Variants in CHSY1 observed in about 807,000 individuals in gnomAD.
CHSY1 encodes chondroitin sulfate synthase 1.
In CHSY1, 13 loss-of-function variants were observed where a neutral mutation model predicts 59.8. The ratio of observed to expected loss-of-function variants is 0.22; its 90% confidence interval spans 0.14 to 0.35. The LOEUF (loss-of-function observed/expected upper bound fraction) is 0.35. Among genes scored for constraint, CHSY1 ranks in the 10% least tolerant of loss-of-function variants. CHSY1 has a pLI of 1.00. For synonymous variants in CHSY1, 459 were observed against 401.2 expected, an observed-to-expected ratio of 1.14 and a Z score of -1.72; for missense variants, 947 against 1,030.6, an observed-to-expected ratio of 0.92 and a Z score of 1.11.
At chr15:101,250,987 G>C (rs1437150543) in intron 1 of CHSY1, 150 bp downstream of exon 1, 1 of 700,840 alleles carries the variant, frequency 1.4e-6, no homozygotes, top group Non-Finnish European at 2.4e-6. Flanking sequence ...TTCTCCCTCG[G>C]CCCGGCGTCT....
intron 2 of CHSY1, among the ~76,000 whole-genome samples, chr15:101,195,730 C>T (rs570120650): frequency 1.3e-5 from 2 of 149,578 alleles, no homozygotes; most frequent in Non-Finnish European, 3.0e-5. Context: ...GAGGCTGAGG[C>T]GAGAGAATGG....
At chr15:101,213,468 C>T (rs754063848) in intron 2 of CHSY1, among the ~76,000 whole-genome samples, 8 of 152,042 alleles carry the variant, frequency 5.3e-5, no homozygotes, top group South Asian at 2.1e-4. Flanking sequence ...ATAATAAGTA[C>T]GGTACAATTA....
At chr15:101,212,601 T>C (rs184980067) in intron 2 of CHSY1, among the ~76,000 whole-genome samples, 2 of 152,224 alleles carry the variant, frequency 1.3e-5, no homozygotes, top group South Asian at 4.1e-4. Context: ...AGTGGTTGCC[T>C]TGAGCTGGGA....
chr15:101,233,655 T>C (rs139479396), intron 2 of CHSY1, among the ~76,000 whole-genome samples: 1 of 152,278 alleles, frequency 6.6e-6, no homozygotes, highest in Admixed American at 6.5e-5. Flanking sequence ...GGGGATAGTA[T>C]AAGGCACACA....
chr15:101,245,117 C>G (rs2039037932), intron 1 of CHSY1, among the ~76,000 whole-genome samples: 1 of 152,216 alleles, frequency 6.6e-6, no homozygotes, highest in South Asian at 2.1e-4. Context: ...CCAAAACACA[C>G]ATCCCATCAG....
chr15:101,179,021 ATGAT>A, intron 2 of CHSY1, 41 bp from the exon 3 acceptor site: 10 of 1,587,618 alleles, frequency 6.3e-6, no homozygotes, highest in Non-Finnish European at 8.6e-6. Context: ...TTAGTATTGT[ATGAT>A]TGAGTGCCAG....
At chr15:101,231,766 ATTTTCTTT>A (rs2038895226) in intron 2 of CHSY1, among the ~76,000 whole-genome samples, 2 of 152,140 alleles carry the variant, frequency 1.3e-5, no homozygotes, top group East Asian at 3.8e-4. Flanking sequence ...ACTTAAGTCA[ATTTTCTTT>A]TTGTTCCCTC....
chr15:101,202,159 A>AG (rs1246804477), intron 2 of CHSY1, among the ~76,000 whole-genome samples: 2 of 143,310 alleles, frequency 1.4e-5, no homozygotes, highest in Admixed American at 6.9e-5. Context: ...GCATTTCTGC[A>AG]GGGGGGGCAG....
intron 2 of CHSY1, among the ~76,000 whole-genome samples, chr15:101,217,022 C>G (rs956099223): frequency 1.3e-5 from 2 of 152,168 alleles, no homozygotes; most frequent in Non-Finnish European, 2.9e-5. Flanking sequence ...ACCTAAGTAA[C>G]TGTGAGAATG....
rs1255763211 is a variant in CHSY1 at position 101,178,543 on chromosome 15, G to A, written c.1254C>T (p.Ala418=). 6.2e-7 allele frequency: 1 copy of A among 1,614,216 alleles called. No homozygotes were observed. The highest frequency in any genetic ancestry group is 1.1e-5 in the South Asian group (1 of 91,084). The stretch of plus-strand genomic sequence containing the variant: ...TGATGCGCCCTCTGGTCTTGGCGTT[G>A]GCATTGATCATCTCCATGACCTGCA... ...IVMQVMEMIN[A]NAKTRGRIID... The change falls in exon 3 of 3, where the codon GCC becomes GCT. Residue 418 remains alanine (A), a synonymous_variant. Coordinates refer to ENST00000254190, the MANE Select transcript of CHSY1 (RefSeq NM_014918.5).
intron 2 of CHSY1, among the ~76,000 whole-genome samples, chr15:101,185,732 A>C (rs1415232709): frequency 7.2e-6 from 1 of 138,422 alleles, no homozygotes; most frequent in Non-Finnish European, 1.5e-5. Flanking sequence ...AACCTCACCA[A>C]GTTTCCAGTT....
At chr15:101,227,531 A>C (rs1345507441) in intron 2 of CHSY1, among the ~76,000 whole-genome samples, 1 of 152,246 alleles carries the variant, frequency 6.6e-6, no homozygotes, top group Non-Finnish European at 1.5e-5. Flanking sequence ...AGCAGGGAAT[A>C]AGATGCAATA....
chr15:101,251,988 G>A lies in CHSY1; in HGVS notation c.-532C>T, dbSNP rs1478148272. 1 of 151,128 alleles carries A rather than the reference G, an allele frequency of 6.6e-6. No individual in the cohort carries two copies. The highest frequency in any genetic ancestry group is 1.5e-5 in the Non-Finnish European group (1 of 67,754). 9.4% of individuals were successfully genotyped at this position (151,128 alleles called of 1,614,324 possible). On this transcript the variant is annotated 5_prime_UTR_variant, in exon 1 of 3. Transcript: ENST00000254190. ...GGCGCGTTATGAAGTGGCCCCGCCG[G>A]CGGCGAGCCGTGGCCCCTCTCGGGA...
rs62621399 is a variant in CHSY1 at position 101,177,683 on chromosome 15, C to G, written c.2114G>C (p.Arg705Pro). The G allele has an allele frequency of 1.9e-6, 3 of 1,614,002 alleles. No individual in the cohort carries two copies. The highest frequency in any genetic ancestry group is 2.5e-6 in the Non-Finnish European group (3 of 1,180,034). The stretch of plus-strand genomic sequence containing the variant: ...GATGGAAACATCAAAGCCACCCACT[C>G]GGACAAGATCTCCCTTATAAATACA... ...ITCIYKGDLV[R>P]VGGFDVSIQG... Residue 705 changes from arginine (R) to proline (P), a missense_variant, in exon 3 of 3, where the codon CGA (arginine) becomes CCA (proline). Arg to Pro is a moderately radical substitution (Grantham distance 103). Coordinates refer to ENST00000254190, the MANE Select transcript of CHSY1 (RefSeq NM_014918.5).
At chr15:101,187,986 C>T (rs2038392016) in intron 2 of CHSY1, 9 of 982,112 alleles carry the variant, frequency 9.2e-6, no homozygotes, top group Non-Finnish European at 1.1e-5. Flanking sequence ...CTTTGGTTAA[C>T]AAATACCTTC....
intron 2 of CHSY1, among the ~76,000 whole-genome samples, chr15:101,183,411 A>C (rs2038308162): frequency 6.6e-6 from 1 of 152,228 alleles, no homozygotes. Context: ...GACACAGATA[A>C]CACCACTGGG....
intron 2 of CHSY1, among the ~76,000 whole-genome samples, chr15:101,225,423 T>C (rs78704158): frequency 0.027 from 4,044 of 152,266 alleles, 173 homozygotes; most frequent in African/African-American, 0.092. Flanking sequence ...TTACCGTTGA[T>C]ATAGTTTGGA....
At chr15:101,249,291 C>T in intron 1 of CHSY1, among the ~76,000 whole-genome samples, 1 of 151,428 alleles carries the variant, frequency 6.6e-6, no homozygotes, top group Non-Finnish European at 1.5e-5. Context: ...GGTCTATCAC[C>T]ACACTAGAGT....
chr15:101,244,101 AG>A (rs1425252943), intron 1 of CHSY1, among the ~76,000 whole-genome samples: 2 of 152,250 alleles, frequency 1.3e-5, no homozygotes, highest in African/African-American at 4.8e-5. Flanking sequence ...TAAATGCTTC[AG>A]AGATGACACT....
Sources: allele counts gnomAD v4.1 joint callset (sites outside exome capture counted in the v4.1 genomes callset), GRCh38; gene constraint gnomAD v4.1.1; transcripts MANE v1.5; gene names NCBI Gene and HGNC (gene_info 2026-07-23, HGNC 2026-07-21).